DNM3: variants seen among roughly 807,000 people sequenced by gnomAD.
The protein encoded by DNM3 is dynamin-3.
DNM3 carries 47 observed loss-of-function variants against 101.6 expected under a neutral mutation model. The observed-to-expected ratio is 0.46, with a 90% CI of 0.37 to 0.59. The LOEUF (loss-of-function observed/expected upper bound fraction) is 0.59, where lower values mean the gene tolerates loss of function less well. Among genes scored for constraint, DNM3 ranks in the 20% least tolerant of loss-of-function variants. The pLI is 0.00. For missense variants in DNM3, 849 were observed against 1,085.7 expected (o/e 0.78, Z 3.06); for synonymous variants, 385 against 387.9 (o/e 0.99, Z 0.09).
intron 10 of DNM3, among the ~76,000 whole-genome samples, chr1:172,059,850 A>C: frequency 8.1e-6 from 1 of 123,478 alleles, no homozygotes. Flanking sequence ...GGCCAGGGCA[A>C]TTAGGCAGGA....
chr1:172,201,813 C>A (rs1268732946), intron 14 of DNM3, among the ~76,000 whole-genome samples: 1 of 152,170 alleles, frequency 6.6e-6, no homozygotes, highest in Non-Finnish European at 1.5e-5. Flanking sequence ...GAGGCCCAGG[C>A]CTGGAGGACC....
intron 15 of DNM3, among the ~76,000 whole-genome samples, chr1:172,297,148 A>G (rs1412773773): frequency 2.0e-5 from 3 of 151,986 alleles, no homozygotes; most frequent in Non-Finnish European, 4.4e-5. Flanking sequence ...ATCTCAAAAA[A>G]AAAAAAAAAA....
At chr1:172,212,134 A>C (rs769415203) in intron 14 of DNM3, among the ~76,000 whole-genome samples, 2 of 152,186 alleles carry the variant, frequency 1.3e-5, no homozygotes, top group African/African-American at 2.4e-5. Context: ...AAAAAGTCTG[A>C]TAAATGAGAA....
At chr1:172,381,676 G>C (rs954096420) in intron 18 of DNM3, among the ~76,000 whole-genome samples, 1 of 152,158 alleles carries the variant, frequency 6.6e-6, no homozygotes, top group Middle Eastern at 3.4e-3. Context: ...CCAGCACTGT[G>C]CCATCTAGAT....
intron 14 of DNM3, chr1:172,144,900 G>A (rs1049105306): frequency 1.7e-5 from 4 of 232,850 alleles, no homozygotes; most frequent in South Asian, 1.6e-4. Flanking sequence ...TTGGGTATGC[G>A]CTGTGCCGCT....
At chr1:171,874,806 C>T (rs2035610167) in intron 1 of DNM3, among the ~76,000 whole-genome samples, 1 of 151,272 alleles carries the variant, frequency 6.6e-6, no homozygotes, top group African/African-American at 2.4e-5. Context: ...GGTAGTTTTT[C>T]AGCCCTTCTC....
chr1:172,364,078 A>G (rs539414411), intron 17 of DNM3, among the ~76,000 whole-genome samples: 22 of 152,080 alleles, frequency 1.4e-4, no homozygotes, highest in African/African-American at 5.3e-4. Flanking sequence ...TTGGCCTGTT[A>G]ATGGGCTCCT....
At chr1:172,122,985 G>A (rs1309925508) in intron 13 of DNM3, among the ~76,000 whole-genome samples, 6 of 152,156 alleles carry the variant, frequency 3.9e-5, no homozygotes, top group African/African-American at 4.8e-5. Context: ...GCTTGGCACC[G>A]AGTAATATTT....
intron 15 of DNM3, among the ~76,000 whole-genome samples, chr1:172,280,258 C>G (rs2063440387): frequency 6.6e-6 from 1 of 152,136 alleles, no homozygotes; most frequent in Non-Finnish European, 1.5e-5. Context: ...CTTCATCACT[C>G]TGTTCTTTTA....
At chr1:171,944,663 C>T (rs1326656429) in intron 2 of DNM3, among the ~76,000 whole-genome samples, 1 of 151,906 alleles carries the variant, frequency 6.6e-6, no homozygotes, top group African/African-American at 2.4e-5. Context: ...TGTGAGCCAC[C>T]ATGCCCAGCC....
At chr1:172,099,317 T>A (rs1044208079) in intron 13 of DNM3, among the ~76,000 whole-genome samples, 2 of 152,192 alleles carry the variant, frequency 1.3e-5, no homozygotes, top group Non-Finnish European at 2.9e-5. Context: ...TTGCTTCACA[T>A]GGTCAGTAAC....
intron 18 of DNM3, among the ~76,000 whole-genome samples, chr1:172,382,894 C>A (rs184679292): frequency 6.6e-6 from 1 of 152,204 alleles, no homozygotes; most frequent in Admixed American, 6.5e-5. Flanking sequence ...GCCCCTGGAC[C>A]CCTCTGGAGG....
intron 15 of DNM3, chr1:172,289,897 T>C: frequency 2.1e-6 from 2 of 969,716 alleles, no homozygotes; most frequent in Non-Finnish European, 2.5e-6. Context: ...TACTGTTGGG[T>C]TTTCTTTAAC....
chr1:172,173,010 G>A (rs479185), intron 14 of DNM3, among the ~76,000 whole-genome samples: 4,083 of 151,970 alleles, frequency 0.027, 181 homozygotes, highest in African/African-American at 0.093. Flanking sequence ...CATTACAGGT[G>A]GTGAATAGCT....
intron 17 of DNM3, among the ~76,000 whole-genome samples, chr1:172,355,920 G>A (rs2067432283): frequency 6.6e-6 from 1 of 152,042 alleles, no homozygotes. Flanking sequence ...ACATTATAAT[G>A]AAATTGCAGA....
chr1:172,310,013 A>G (rs766402607), intron 16 of DNM3: 1 of 152,198 alleles, frequency 6.6e-6, no homozygotes, highest in Non-Finnish European at 1.5e-5. Context: ...TCCAAATGGA[A>G]GTTAAACTAG....
At chr1:172,250,462 T>C (rs781069128) in intron 14 of DNM3, among the ~76,000 whole-genome samples, 4 of 152,140 alleles carry the variant, frequency 2.6e-5, no homozygotes, top group Non-Finnish European at 5.9e-5. Flanking sequence ...TGGAAAGCTA[T>C]TGAAAGTTCT....
chr1:172,035,741 T>C (rs983041753), intron 6 of DNM3, among the ~76,000 whole-genome samples: 4 of 152,166 alleles, frequency 2.6e-5, no homozygotes, highest in African/African-American at 9.6e-5. Flanking sequence ...TTGTCTCTTG[T>C]GACGTTGCTG....
chr1:172,067,121 T>C (rs2051743601), intron 10 of DNM3, among the ~76,000 whole-genome samples: 1 of 152,188 alleles, frequency 6.6e-6, no homozygotes, highest in Non-Finnish European at 1.5e-5. Flanking sequence ...TATAAAAAAA[T>C]AGCAATTTGC....
Sources: allele counts gnomAD v4.1 joint callset (sites outside exome capture counted in the v4.1 genomes callset), GRCh38; gene constraint gnomAD v4.1.1; transcripts MANE v1.5; gene names NCBI Gene and HGNC (gene_info 2026-07-23, HGNC 2026-07-21).